The following SNTB1 variants were observed in gnomAD, a reference collection of about 807,000 sequenced individuals.
The protein encoded by SNTB1 is syntrophin beta 1.
SNTB1 carries 36 observed loss-of-function variants against 48.9 expected under a neutral mutation model. The observed-to-expected ratio is 0.74, with a 90% confidence interval of 0.56 to 0.97. SNTB1 has a LOEUF of 0.97. Among genes scored for constraint, SNTB1 ranks in the 50% least tolerant of loss-of-function variants. The pLI, the probability that SNTB1 is intolerant of heterozygous loss-of-function variation, is 0.00. For synonymous variants in SNTB1, 299 were observed against 294.6 expected, an observed-to-expected ratio of 1.01 and a Z score of -0.15; for missense variants, 786 against 703.4, an observed-to-expected ratio of 1.12 and a Z score of -1.33.
In SNTB1 at chr8:120,611,331, G is replaced by A. The variant is rs569703385; in HGVS notation, c.996+21113C>T. On this transcript the variant is annotated intron_variant, in intron 3 of 6. Coordinates refer to ENST00000517992, the MANE Select transcript of SNTB1 (RefSeq NM_021021.4). ...GGGAGAAGAAGCAAAATCAAAAGTT[G>A]GCAAATAGCAATTAGAAGCTCTGGA... is the stretch of plus-strand genomic sequence containing the variant. 4.3e-5 allele frequency among the ~76,000 whole-genome samples: 6 copies of A among 141,092 alleles called. No individual in the cohort carries two copies. The South Asian group carries it at 7.0e-4, about 16-fold the overall frequency. 92.6% of individuals were successfully genotyped at this position (141,092 alleles called of 152,430 possible).
chr8:120,714,244 C>T (rs900520432), intron 1 of SNTB1, among the ~76,000 whole-genome samples: 12 of 152,162 alleles, frequency 7.9e-5, no homozygotes, highest in Admixed American at 1.3e-4. Flanking sequence ...AGAACCCCTC[C>T]TCTGTTAGAT....
At chr8:120,588,681 T>A (rs1816189514) in intron 3 of SNTB1, among the ~76,000 whole-genome samples, 1 of 152,234 alleles carries the variant, frequency 6.6e-6, no homozygotes, top group Admixed American at 6.5e-5. Flanking sequence ...TGCTGCTGTT[T>A]CCACATCTGT....
At chr8:120,550,900 G>A (rs757814676) in intron 4 of SNTB1, among the ~76,000 whole-genome samples, 5 of 152,136 alleles carry the variant, frequency 3.3e-5, no homozygotes, top group Non-Finnish European at 7.4e-5. Flanking sequence ...TTGCTCAAAA[G>A]TGTTTGTGTT....
chr8:120,599,863 T>C (rs981485427), intron 3 of SNTB1, among the ~76,000 whole-genome samples: 7 of 152,220 alleles, frequency 4.6e-5, no homozygotes, highest in African/African-American at 1.4e-4. Context: ...ATGTGGATGC[T>C]AGTGACATGG....
intron 1 of SNTB1, among the ~76,000 whole-genome samples, chr8:120,801,732 T>G (rs1053930756): frequency 1.3e-5 from 2 of 152,122 alleles, no homozygotes; most frequent in Non-Finnish European, 2.9e-5. Flanking sequence ...TGGATGGACA[T>G]AGAGTTCTTC....
At chr8:120,650,457 C>T (rs955798800) in intron 2 of SNTB1, among the ~76,000 whole-genome samples, 32 of 152,142 alleles carry the variant, frequency 2.1e-4, no homozygotes, top group African/African-American at 7.7e-4. Flanking sequence ...AGCAACCTAC[C>T]TTCCCCCTTT....
chr8:120,672,110 A>G (rs1817767812), intron 2 of SNTB1, among the ~76,000 whole-genome samples: 1 of 152,090 alleles, frequency 6.6e-6, no homozygotes, highest in South Asian at 2.1e-4. Context: ...TCTGTGTTAG[A>G]TGATTTTGCT....
At chr8:120,600,534 T>C (rs1816405437) in intron 3 of SNTB1, among the ~76,000 whole-genome samples, 1 of 152,218 alleles carries the variant, frequency 6.6e-6, no homozygotes, top group African/African-American at 2.4e-5. Context: ...TTAAATTGGC[T>C]GTTGCTTTTA....
At chr8:120,615,757 G>A (rs147589053) in intron 3 of SNTB1, among the ~76,000 whole-genome samples, 4 of 152,220 alleles carry the variant, frequency 2.6e-5, no homozygotes, top group Admixed American at 2.0e-4. Context: ...TGAATCGAAC[G>A]GAGGTAAAAA....
intron 4 of SNTB1, among the ~76,000 whole-genome samples, chr8:120,549,487 T>C (rs1815442710): frequency 6.6e-6 from 1 of 152,170 alleles, no homozygotes; most frequent in Admixed American, 6.5e-5. Flanking sequence ...CAGTGGTGTA[T>C]CTGATAAAGC....
intron 4 of SNTB1, among the ~76,000 whole-genome samples, chr8:120,552,640 G>A (rs1239293575): frequency 1.3e-5 from 2 of 152,176 alleles, no homozygotes; most frequent in Non-Finnish European, 2.9e-5. Flanking sequence ...GCTGCACCCG[G>A]CCAAAGGAAG....
Position 120,811,417 on chromosome 8 carries a change from A to C in SNTB1, c.427T>G (p.Phe143Val), listed in dbSNP as rs747733490. 5.6e-6 allele frequency: 9 copies of C among 1,613,910 alleles called. No individual in the cohort carries two copies. In the East Asian group the frequency reaches 1.8e-4, roughly 32 times the overall value. ...NKMPILISKI[F>V]KGLAADQTQA... The stretch of plus-strand genomic sequence containing the variant: ...GTCTGGTCCGCCGCCAGCCCCTTGA[A>C]GATCTTGCTGATGAGGATGGGCATC... Residue 143 changes from phenylalanine (F) to valine (V), a missense_variant, in exon 1 of 7, where the codon TTC (phenylalanine) becomes GTC (valine). Phe to Val is a conservative substitution (Grantham distance 50). Coordinates refer to ENST00000517992, the MANE Select transcript of SNTB1 (RefSeq NM_021021.4).
intron 4 of SNTB1, among the ~76,000 whole-genome samples, chr8:120,551,875 C>T (rs1815487501): frequency 2.0e-5 from 3 of 152,040 alleles, no homozygotes; most frequent in Admixed American, 2.0e-4. Context: ...AATACCTACC[C>T]CATAGGATTA....
chr8:120,735,866 C>T (rs1818933169), intron 1 of SNTB1, among the ~76,000 whole-genome samples: 1 of 152,144 alleles, frequency 6.6e-6, no homozygotes, highest in South Asian at 2.1e-4. Flanking sequence ...TCAAGCAGCA[C>T]CATGGGTGGC....
chr8:120,758,114 T>G (rs796428720), intron 1 of SNTB1, among the ~76,000 whole-genome samples: 8 of 152,216 alleles, frequency 5.3e-5, no homozygotes, highest in African/African-American at 1.9e-4. Flanking sequence ...GTAATAGCTT[T>G]ACATAGAGAA....
chr8:120,622,010 C>G lies in SNTB1; in HGVS notation c.996+10434G>C, dbSNP rs148288969. ...TCACTGGTCCACCATCTCATGCATT[C>G]AACAAACGTTAAGTTGACCCCTTAC... On this transcript the variant is annotated intron_variant, in intron 3 of 6. Coordinates refer to ENST00000517992, the MANE Select transcript of SNTB1 (RefSeq NM_021021.4). Among the ~76,000 whole-genome samples, 143 of 152,310 alleles carry G rather than the reference C, an allele frequency of 9.4e-4. 2 individuals carry two copies. Among genetic ancestry groups the G allele is most frequent in the Non-Finnish European group, 1.7e-3 (118 of 68,042 alleles).
At chr8:120,584,929 T>G (rs1485307835) in intron 3 of SNTB1, among the ~76,000 whole-genome samples, 1 of 152,132 alleles carries the variant, frequency 6.6e-6, no homozygotes, top group Non-Finnish European at 1.5e-5. Context: ...TTGCCAGCAA[T>G]CTGGTGGTGA....
chr8:120,746,336 G>A (rs945286438), intron 1 of SNTB1, among the ~76,000 whole-genome samples: 4 of 151,700 alleles, frequency 2.6e-5, no homozygotes, highest in Admixed American at 1.3e-4. Context: ...TAAAAATACA[G>A]TACATAATAT....
intron 4 of SNTB1, among the ~76,000 whole-genome samples, chr8:120,559,409 T>C (rs1563817020): frequency 6.6e-6 from 1 of 152,186 alleles, no homozygotes; most frequent in Non-Finnish European, 1.5e-5. Flanking sequence ...CATAAATGCG[T>C]CCCTAAGCAA....
Sources: gnomAD v4.1 joint callset for allele counts (sites outside exome capture counted in the v4.1 genomes callset) on GRCh38, gnomAD v4.1.1 for gene constraint, MANE v1.5 for transcripts, NCBI Gene and HGNC (gene_info 2026-07-23, HGNC 2026-07-21) for gene names.